ZBTB20: variants seen among roughly 807,000 people sequenced by gnomAD.
The protein encoded by ZBTB20 is zinc finger and BTB domain-containing protein 20.
Under a neutral mutation model 56.9 loss-of-function variants are expected in ZBTB20, and 9 were observed. The ratio of observed to expected loss-of-function variants is 0.16; its 90% confidence interval spans 0.10 to 0.28. ZBTB20 has a LOEUF of 0.28. ZBTB20 is among the 10% of genes least tolerant of loss of function. The probability of loss-of-function intolerance (pLI) is 1.00; values close to 1 mark genes in which losing one functional copy is unlikely to be tolerated. For synonymous variants in ZBTB20, 417 were observed against 420.7 expected, an observed-to-expected ratio of 0.99 and a Z score of 0.11; for missense variants, 655 against 1,003.0, an observed-to-expected ratio of 0.65 and a Z score of 4.69.
intron 5 of ZBTB20, among the ~76,000 whole-genome samples, chr3:114,775,266 G>A (rs1487020822): frequency 1.3e-5 from 2 of 152,010 alleles, no homozygotes; most frequent in Non-Finnish European, 2.9e-5. Flanking sequence ...GTATCAGAGT[G>A]TTGTACTCTT....
At position 114,318,348 on chromosome 3, in the gene ZBTB20, T is replaced by G. The variant is rs1193180979; in HGVS notation, c.*20657A>C. ...CTCCTTTGGGTCCCTGCCCCCCTGC[T>G]CCCATCCATGGAATGTGGGCTGCTG... On this transcript the variant is annotated 3_prime_UTR_variant, in exon 12 of 12. Coordinates refer to ENST00000675478, the MANE Select transcript of ZBTB20 (RefSeq NM_001348800.3). 1 of 152,234 alleles carries G rather than the reference T, an allele frequency of 6.6e-6. No individual in the cohort carries two copies. The highest frequency in any genetic ancestry group is 2.4e-5 in the African/African-American group (1 of 41,402). 9.4% of individuals were successfully genotyped at this position (152,234 alleles called of 1,614,324 possible).
chr3:114,709,842 C>A (rs190524299), intron 5 of ZBTB20, among the ~76,000 whole-genome samples: 1 of 152,134 alleles, frequency 6.6e-6, no homozygotes, highest in Non-Finnish European at 1.5e-5. Flanking sequence ...GATGCTAGAC[C>A]GGTGTCCTTG....
intron 1 of ZBTB20, among the ~76,000 whole-genome samples, chr3:115,128,300 T>C (rs1036379036): frequency 3.9e-5 from 6 of 152,160 alleles, no homozygotes; most frequent in African/African-American, 1.4e-4. Flanking sequence ...GTGAAAGATA[T>C]AATATCAAAG....
At chr3:115,038,508 A>G (rs2081018383) in intron 2 of ZBTB20, among the ~76,000 whole-genome samples, 1 of 152,174 alleles carries the variant, frequency 6.6e-6, no homozygotes, top group African/African-American at 2.4e-5. Flanking sequence ...TATGCAGTAA[A>G]TACTCAAAAA....
chr3:114,903,799 T>A (rs1024812033), intron 3 of ZBTB20, among the ~76,000 whole-genome samples: 1 of 151,992 alleles, frequency 6.6e-6, no homozygotes, highest in East Asian at 1.9e-4. Flanking sequence ...AGCAATCACA[T>A]GTAGGCACTT....
rs1400735768 is a variant in ZBTB20 at position 114,330,209 on chromosome 3, A to G, written c.*8796T>C. 1 of 152,204 alleles carries G rather than the reference A, an allele frequency of 6.6e-6. No individual in the cohort carries two copies. The highest frequency in any genetic ancestry group is 1.9e-4 in the East Asian group (1 of 5,202). 9.4% of individuals were successfully genotyped at this position (152,204 alleles called of 1,614,324 possible). On this transcript the variant is annotated 3_prime_UTR_variant, in exon 12 of 12. Coordinates refer to ENST00000675478, the MANE Select transcript of ZBTB20 (RefSeq NM_001348800.3). ...GCTTTAAAAAATTCTAAAATCCTCT[A>G]AAGACAATACTGAAGCTGATAATAT...
chr3:114,989,664 T>C (rs1418620721), intron 2 of ZBTB20, among the ~76,000 whole-genome samples: 1 of 152,198 alleles, frequency 6.6e-6, no homozygotes, highest in Admixed American at 6.5e-5. Context: ...TTGAGGGGGA[T>C]GGCATTGAAT....
intron 11 of ZBTB20, among the ~76,000 whole-genome samples, chr3:114,347,604 C>A (rs1274395949): frequency 1.3e-5 from 2 of 152,178 alleles, no homozygotes; most frequent in Non-Finnish European, 2.9e-5. Flanking sequence ...GAACCCAGGT[C>A]TTGAATTATT....
chr3:114,341,065 G>A (rs2079723973), intron 11 of ZBTB20, among the ~76,000 whole-genome samples: 1 of 152,262 alleles, frequency 6.6e-6, no homozygotes, highest in African/African-American at 2.4e-5. Context: ...TCTCTCATCA[G>A]GAATTTGTTG....
chr3:115,053,341 T>C lies in ZBTB20; in HGVS notation c.-507+17878A>G, dbSNP rs1018933948. 3.9e-4 allele frequency among the ~76,000 whole-genome samples: 60 copies of C among 152,186 alleles called. 1 individual carries two copies. Among genetic ancestry groups the C allele is most frequent in the African/African-American group, 1.4e-3 (57 of 41,456 alleles). ...TTGTTTTTATTTCAGTTCAGAACCATATAAAGTAACTGAATTGGTTTTAGG... is the reference window on the plus strand; with the variant it reads ...TTGTTTTTATTTCAGTTCAGAACCACATAAAGTAACTGAATTGGTTTTAGG... On this transcript the variant is annotated intron_variant, in intron 2 of 11. Transcript: ENST00000675478.
intron 6 of ZBTB20, among the ~76,000 whole-genome samples, chr3:114,683,197 G>C (rs2062089984): frequency 6.6e-6 from 1 of 152,118 alleles, no homozygotes; most frequent in Non-Finnish European, 1.5e-5. Flanking sequence ...TGGTTAAAAA[G>C]GAGTAGGCTT....
chr3:114,446,121 A>T (rs955716019), intron 7 of ZBTB20, among the ~76,000 whole-genome samples: 1 of 152,156 alleles, frequency 6.6e-6, no homozygotes, highest in South Asian at 2.1e-4. Context: ...AATTCTAAAC[A>T]CATAGCTTAA....
chr3:114,823,539 T>C (rs1000650444), intron 4 of ZBTB20, among the ~76,000 whole-genome samples: 1 of 152,074 alleles, frequency 6.6e-6, no homozygotes, highest in African/African-American at 2.4e-5. Context: ...TCCATATCAC[T>C]AGAAGAAACT....
At chr3:114,710,807 A>G (rs921569876) in intron 5 of ZBTB20, among the ~76,000 whole-genome samples, 1 of 152,164 alleles carries the variant, frequency 6.6e-6, no homozygotes, top group African/African-American at 2.4e-5. Context: ...TGTAAATGAG[A>G]TCATACATGC....
chr3:114,486,138 G>GTGTGT lies in ZBTB20; in HGVS notation c.-255+14213_-255+14214insACACA, dbSNP rs1553726951. Among the ~76,000 whole-genome samples, 10 of 25,292 alleles carry GTGTGT rather than the reference G, an allele frequency of 4.0e-4. 2 individuals carry two copies. Among genetic ancestry groups the GTGTGT allele is most frequent in the Non-Finnish European group, 5.7e-4 (6 of 10,614 alleles). The allele number at this position is 25,292 out of a possible 152,430, so 16.6% of individuals were successfully genotyped here. A position where few individuals can be genotyped will look rare whatever the true frequency, so the allele number is the denominator to read the frequency against. ...AGTAAGAGTGTGTGTGTGTGTGTGT[G>GTGTGT]GGGGGGGGGGGCGGTGTATGAATTC... On this transcript the variant is annotated intron_variant, in intron 7 of 11. Transcript: ENST00000675478.
chr3:114,951,539 T>C (rs1261055534), intron 3 of ZBTB20, among the ~76,000 whole-genome samples: 1 of 152,094 alleles, frequency 6.6e-6, no homozygotes, highest in Non-Finnish European at 1.5e-5. Flanking sequence ...ACATCCAAGA[T>C]TGTTCACTGG....
At chr3:114,980,607 T>A (rs1465632126) in intron 2 of ZBTB20, among the ~76,000 whole-genome samples, 1 of 151,136 alleles carries the variant, frequency 6.6e-6, no homozygotes, top group Non-Finnish European at 1.5e-5. Context: ...TATTCAGTAC[T>A]AAATTATATT....
intron 7 of ZBTB20, among the ~76,000 whole-genome samples, chr3:114,403,632 A>C (rs1307815387): frequency 2.0e-5 from 3 of 152,004 alleles, no homozygotes; most frequent in Non-Finnish European, 4.4e-5. Flanking sequence ...ATATTTGTAC[A>C]ACACTCAGGA....
intron 7 of ZBTB20, among the ~76,000 whole-genome samples, chr3:114,403,445 G>A (rs1468333579): frequency 1.3e-5 from 2 of 152,120 alleles, no homozygotes; most frequent in African/African-American, 2.4e-5. Flanking sequence ...GTTCAGGAAC[G>A]TCTCAGGGAC....
Sources: gnomAD v4.1 joint callset for allele counts (sites outside exome capture counted in the v4.1 genomes callset) on GRCh38, gnomAD v4.1.1 for gene constraint, MANE v1.5 for transcripts, NCBI Gene and HGNC (gene_info 2026-07-23, HGNC 2026-07-21) for gene names.